The following RGS7 variants were observed in gnomAD, a reference collection of about 807,000 sequenced individuals.
RGS7 encodes regulator of G-protein signaling 7.
Under a neutral mutation model 81.1 loss-of-function variants are expected in RGS7, and 27 were observed. The observed-to-expected ratio is 0.33, with a 90% confidence interval of 0.25 to 0.46. RGS7 has a LOEUF of 0.46. Ranked by LOEUF, RGS7 falls within the 20% of genes least tolerant of loss-of-function variation. The pLI is 1.00. For missense variants in RGS7, 396 were observed against 607.4 expected (o/e 0.65, Z 3.66); for synonymous variants, 208 against 207.7 (o/e 1.00, Z -0.01).
chr1:241,346,965 T>A (rs1225383389), intron 2 of RGS7, among the ~76,000 whole-genome samples: 1 of 152,184 alleles, frequency 6.6e-6, no homozygotes, highest in Non-Finnish European at 1.5e-5. Context: ...TTAGTATGAA[T>A]CTATTCTCTC....
Position 240,928,509 on chromosome 1 carries a change from T to C in RGS7, c.385+2208A>G, listed in dbSNP as rs764261439. 2.3e-4 allele frequency among the ~76,000 whole-genome samples: 35 copies of C among 152,154 alleles called. 1 individual carries two copies. Among genetic ancestry groups the C allele is most frequent in the South Asian group, 1.7e-3 (8 of 4,822 alleles). On this transcript the variant is annotated intron_variant, in intron 6 of 18. Transcript: ENST00000440928. ...ACCTACTATAAAATGATAAAACATG[T>C]GCTTTAAATGTGAGCACTCTAACAT... is the stretch of plus-strand genomic sequence containing the variant.
intron 2 of RGS7, among the ~76,000 whole-genome samples, chr1:241,285,416 T>C (rs569441741): frequency 2.6e-5 from 4 of 152,374 alleles, no homozygotes; most frequent in East Asian, 1.9e-4. Flanking sequence ...ATTTGTTTTA[T>C]GCAATATATA....
intron 2 of RGS7, among the ~76,000 whole-genome samples, chr1:241,113,126 A>G (rs561557192): frequency 6.1e-4 from 93 of 152,336 alleles, no homozygotes; most frequent in African/African-American, 2.1e-3. Context: ...TTCTAGTCCA[A>G]TAACTGGCTC....
At chr1:240,869,894 C>T (rs1164286640) in intron 7 of RGS7, among the ~76,000 whole-genome samples, 161 bp downstream of exon 7, 2 of 152,072 alleles carry the variant, frequency 1.3e-5, no homozygotes, top group African/African-American at 2.4e-5. Flanking sequence ...GAGCCAAGAT[C>T]GTGCCACTGC....
At chr1:241,032,680 C>G (rs2060137336) in intron 3 of RGS7, among the ~76,000 whole-genome samples, 1 of 152,120 alleles carries the variant, frequency 6.6e-6, no homozygotes, top group Non-Finnish European at 1.5e-5. Context: ...TTTGTAATTT[C>G]CCTCTCAGAG....
At chr1:240,989,906 A>G (rs1686217299) in intron 3 of RGS7, among the ~76,000 whole-genome samples, 1 of 152,198 alleles carries the variant, frequency 6.6e-6, no homozygotes, top group South Asian at 2.1e-4. Flanking sequence ...ATGGAGGCAG[A>G]GACTGTCATC....
At chr1:241,019,942 A>G (rs2059456667) in intron 3 of RGS7, among the ~76,000 whole-genome samples, 1 of 152,220 alleles carries the variant, frequency 6.6e-6, no homozygotes, top group Non-Finnish European at 1.5e-5. Context: ...TTCTTGCTGT[A>G]ACAAAGATTT....
chr1:241,020,579 G>A (rs574140369), intron 3 of RGS7, among the ~76,000 whole-genome samples: 1 of 151,878 alleles, frequency 6.6e-6, no homozygotes, highest in East Asian at 1.9e-4. Flanking sequence ...TTTCCAAATA[G>A]GTCACATTCA....
intron 18 of RGS7, among the ~76,000 whole-genome samples, chr1:240,781,227 C>T (rs76900330): frequency 0.039 from 5,994 of 152,286 alleles, 121 homozygotes; most frequent in East Asian, 0.11. Flanking sequence ...GAGAGAAATA[C>T]AGGCCCACAG....
chr1:240,971,496 G>C (rs1185638595), intron 4 of RGS7, among the ~76,000 whole-genome samples: 1 of 152,164 alleles, frequency 6.6e-6, no homozygotes, highest in African/African-American at 2.4e-5. Flanking sequence ...CTACATATAA[G>C]ATTCCCTGTG....
At chr1:240,845,683 T>C (rs1326746073) in intron 9 of RGS7, among the ~76,000 whole-genome samples, 1 of 152,200 alleles carries the variant, frequency 6.6e-6, no homozygotes, top group East Asian at 1.9e-4. Flanking sequence ...ATGATAAATC[T>C]AAAAGGCTTT....
At chr1:240,843,563 G>C (rs1191215973) in intron 9 of RGS7, among the ~76,000 whole-genome samples, 1 of 152,184 alleles carries the variant, frequency 6.6e-6, no homozygotes, top group East Asian at 1.9e-4. Flanking sequence ...ACTATGCCCG[G>C]CCTGACACAT....
rs533409792 is a variant in RGS7 at position 240,970,288 on chromosome 1, A to T, written c.226+12791T>A. On this transcript the variant is annotated intron_variant, in intron 4 of 18. Transcript: ENST00000440928. Reference sequence around the variant, plus strand: ...AATAATGGCAGACATCCTGGGGGAAATACCCCCTACTTTGGCAATGAAAAC... The same window carrying T: ...AATAATGGCAGACATCCTGGGGGAATTACCCCCTACTTTGGCAATGAAAAC... 3.3e-4 allele frequency among the ~76,000 whole-genome samples: 51 copies of T among 152,306 alleles called. No individual in the cohort carries two copies. The South Asian group carries it at 9.7e-3, about 29-fold the overall frequency.
intron 2 of RGS7, among the ~76,000 whole-genome samples, chr1:241,308,943 C>T (rs550535255): frequency 6.6e-6 from 1 of 152,066 alleles, no homozygotes; most frequent in Admixed American, 6.5e-5. Context: ...TTCTCTAAAC[C>T]GAGGACAGCG....
At chr1:240,816,673 G>A (rs1296290329) in intron 10 of RGS7, among the ~76,000 whole-genome samples, 2 of 152,200 alleles carry the variant, frequency 1.3e-5, no homozygotes, top group Non-Finnish European at 2.9e-5. Context: ...AGGTGCATGT[G>A]ATAAAATTTG....
intron 4 of RGS7, among the ~76,000 whole-genome samples, chr1:240,948,881 G>T (rs1439692661): frequency 1.3e-5 from 2 of 150,602 alleles, no homozygotes; most frequent in Admixed American, 6.6e-5. Flanking sequence ...TCACCAAAAG[G>T]GTATAAATGT....
intron 3 of RGS7, among the ~76,000 whole-genome samples, chr1:241,032,671 T>C (rs2148733778): frequency 6.6e-6 from 1 of 152,340 alleles, no homozygotes; most frequent in East Asian, 1.9e-4. Flanking sequence ...CATCAGTGTT[T>C]TGTAATTTCC....
At position 241,135,574 on chromosome 1, in the gene RGS7, G is replaced by A. The variant is rs909440300; in HGVS notation, c.79-36812C>T. On this transcript the variant is annotated intron_variant, in intron 2 of 18. Transcript: ENST00000440928. Reference sequence around the variant, plus strand: ...TATCTTTTTGCAACTCTTTTTTGAGGGAATAATGGCACTGGGTTTACCTAG... The same window carrying A: ...TATCTTTTTGCAACTCTTTTTTGAGAGAATAATGGCACTGGGTTTACCTAG... 3.9e-5 allele frequency among the ~76,000 whole-genome samples: 6 copies of A among 152,104 alleles called. No individual in the cohort carries two copies. The South Asian group carries it at 6.2e-4, about 16-fold the overall frequency.
intron 9 of RGS7, among the ~76,000 whole-genome samples, chr1:240,844,254 A>G (rs564662549): frequency 2.0e-5 from 3 of 152,288 alleles, no homozygotes; most frequent in Admixed American, 2.0e-4. Context: ...TGGCTTCTCA[A>G]TAGAGTATCA....
Sources: allele counts gnomAD v4.1 joint callset (sites outside exome capture counted in the v4.1 genomes callset), GRCh38; gene constraint gnomAD v4.1.1; transcripts MANE v1.5; gene names NCBI Gene and HGNC (gene_info 2026-07-23, HGNC 2026-07-21).